The following SLC12A7 variants were observed in gnomAD, a reference collection of about 807,000 sequenced individuals.
SLC12A7 encodes solute carrier family 12 member 7, also known as K-Cl cotransporter 4.
Under a neutral mutation model 120.6 loss-of-function variants are expected in SLC12A7, and 100 were observed. That is an observed-to-expected ratio of 0.83 (90% CI 0.71 to 0.98). The LOEUF is 0.98. SLC12A7 is among the 50% of genes least tolerant of loss of function. SLC12A7 has a pLI of 0.00. For missense variants in SLC12A7, 1,373 were observed against 1,548.1 expected, an observed-to-expected ratio of 0.89 and a Z score of 1.90; for synonymous variants, 760 against 678.0, an observed-to-expected ratio of 1.12 and a Z score of -1.88.
At chr5:1,077,718 TG>T in intron 12 of SLC12A7, 114 bp downstream of exon 12, 2 of 1,126,354 alleles carry the variant, frequency 1.8e-6, no homozygotes, top group Non-Finnish European at 1.2e-6. Flanking sequence ...ATGACCACCA[TG>T]GGGTCCAAGC....
chr5:1,153,847 G>A, the SLC12A7 span, among the ~76,000 whole-genome samples: 2 of 152,162 alleles, frequency 1.3e-5, no homozygotes, highest in Non-Finnish European at 2.9e-5. Flanking sequence ...TCTGGGGAGT[G>A]CCACACAGCA....
At chr5:1,089,695 A>G (rs1054344171) in intron 3 of SLC12A7, among the ~76,000 whole-genome samples, 4 of 152,040 alleles carry the variant, frequency 2.6e-5, no homozygotes, top group African/African-American at 9.7e-5. Context: ...CGTGGGGGCC[A>G]CCCCGCCTGC....
At chr5:1,117,868 G>A in the SLC12A7 span, among the ~76,000 whole-genome samples, 7 of 152,160 alleles carry the variant, frequency 4.6e-5, no homozygotes, top group South Asian at 2.1e-4. This position sits in a 1 kb window ranked among gnomAD's most constrained non-coding sequence, Gnocchi z 4.5. Context: ...TCAGGAGATC[G>A]AGACCATCCT....
At chr5:1,094,497 AACACAAGCTATCCCTAGG>A (rs1237316252) in intron 1 of SLC12A7, among the ~76,000 whole-genome samples, 6 of 152,120 alleles carry the variant, frequency 3.9e-5, no homozygotes, top group African/African-American at 1.4e-4. Flanking sequence ...CTATCCCCAG[AACACAAGCTATCCCTAGG>A]ACACAAGCTA....
rs56128821 is a variant in SLC12A7, at chr5:1,057,726, G to A, written c.2848-77C>T. On this transcript the variant is annotated intron_variant, in intron 21 of 23. Transcript: ENST00000264930. ...CGAGAGCGACCCGGGATGCCAGGCCGGAGGTGAGGGCAGCTCACAGAACCT... is the reference window on the plus strand; with the variant it reads ...CGAGAGCGACCCGGGATGCCAGGCCAGAGGTGAGGGCAGCTCACAGAACCT... The A allele has an allele frequency of 0.015, 20,802 of 1,397,546 alleles. 1,900 individuals are homozygous for A. The African/African-American group carries it at 0.22, about 15-fold the overall frequency. The allele number at this position is 1,397,546 out of a possible 1,614,324, so 86.6% of individuals were successfully genotyped here.
chr5:1,133,413 C>A, the SLC12A7 span, among the ~76,000 whole-genome samples: 136 of 152,288 alleles, frequency 8.9e-4, no homozygotes, highest in Non-Finnish European at 1.5e-3. Context: ...GCACACAGCT[C>A]CCTGGAAACC....
chr5:1,068,342 G>C (rs1271078258), intron 17 of SLC12A7, among the ~76,000 whole-genome samples: 1 of 152,122 alleles, frequency 6.6e-6, no homozygotes, highest in African/African-American at 2.4e-5. Flanking sequence ...GCTGAGGCAG[G>C]AGAACTGCTT....
chr5:1,080,110 A>G (rs1400078602), intron 9 of SLC12A7, among the ~76,000 whole-genome samples: 2 of 150,470 alleles, frequency 1.3e-5, no homozygotes, highest in African/African-American at 2.5e-5. Flanking sequence ...AGAGCCCACA[A>G]TCCAGTGCCG....
upstream of SLC12A7, among the ~76,000 whole-genome samples, chr5:1,114,600 G>C (rs1743241872): frequency 6.6e-6 from 1 of 152,132 alleles, no homozygotes. Flanking sequence ...GTCCTTTTCT[G>C]TACCCGGCAC....
the SLC12A7 span, among the ~76,000 whole-genome samples, chr5:1,119,452 CG>C: frequency 6.6e-6 from 1 of 152,206 alleles, no homozygotes. Context: ...CATCCCTGCC[CG>C]GGTGACGCCG....
the SLC12A7 span, among the ~76,000 whole-genome samples, chr5:1,148,191 T>G: frequency 6.7e-6 from 1 of 148,644 alleles, no homozygotes; most frequent in Admixed American, 6.8e-5. Flanking sequence ...TTGTTGATAC[T>G]TTTTTCTTTC....
chr5:1,121,063 G>A, the SLC12A7 span, among the ~76,000 whole-genome samples: 1 of 152,182 alleles, frequency 6.6e-6, no homozygotes, highest in South Asian at 2.1e-4. Flanking sequence ...TCCTGACCTT[G>A]ACACTGAGTC....
intron 16 of SLC12A7, among the ~76,000 whole-genome samples, chr5:1,074,187 C>T (rs1403021066): frequency 4.0e-5 from 6 of 151,742 alleles, no homozygotes; most frequent in Non-Finnish European, 7.4e-5. Context: ...GACAATGGCC[C>T]GGGGCACACC....
chr5:1,095,903 G>A (rs552668185), intron 1 of SLC12A7, among the ~76,000 whole-genome samples: 2 of 152,342 alleles, frequency 1.3e-5, no homozygotes, highest in South Asian at 4.1e-4. Flanking sequence ...GCGACCATGA[G>A]TGACTGCAGA....
chr5:1,110,560 G>C (rs969989964), intron 1 of SLC12A7, among the ~76,000 whole-genome samples: 6 of 152,344 alleles, frequency 3.9e-5, no homozygotes, highest in Non-Finnish European at 5.9e-5. Flanking sequence ...CTTGAGAAGG[G>C]GCCGGCCAGA....
the SLC12A7 span, among the ~76,000 whole-genome samples, chr5:1,123,720 G>A: frequency 4.1e-4 from 62 of 152,376 alleles, no homozygotes; most frequent in Middle Eastern, 3.4e-3. Flanking sequence ...AGCCGGGATC[G>A]GGGCCTCCAT....
the SLC12A7 span, among the ~76,000 whole-genome samples, chr5:1,145,796 G>C: frequency 1.3e-5 from 2 of 152,022 alleles, no homozygotes; most frequent in African/African-American, 4.8e-5. This position sits in a 1 kb window ranked among gnomAD's most constrained non-coding sequence, Gnocchi z 4.4. Context: ...GTGCGGGAGG[G>C]TTTAGTTTAT....
At position 1,050,758 on chromosome 5, in the gene SLC12A7, A is replaced by C; in HGVS notation, c.*1602T>G. The C allele has an allele frequency of 5.0e-6, 2 of 398,014 alleles. No homozygotes were observed. The highest frequency in any genetic ancestry group is 6.3e-4 in the Middle Eastern group (1 of 1,588). 24.7% of individuals were successfully genotyped at this position (398,014 alleles called of 1,614,324 possible). A position where few individuals can be genotyped will look rare whatever the true frequency, so the allele number is the denominator to read the frequency against. ...TTTGCTGCTTAACTCATGCTTAGCCAAGGCAGGCAGAGGCTGTGGGAACTG... is the reference window on the plus strand; with the variant it reads ...TTTGCTGCTTAACTCATGCTTAGCCCAGGCAGGCAGAGGCTGTGGGAACTG... On this transcript the variant is annotated 3_prime_UTR_variant, in exon 24 of 24. Coordinates refer to ENST00000264930, the MANE Select transcript of SLC12A7 (RefSeq NM_006598.3).
Position 1,073,877 on chromosome 5 carries a change from G to T in SLC12A7, c.2073-76C>A, listed in dbSNP as rs548552833. ...GGCCCATCAACAGGCAGGGCAGATG[G>T]GACGGGCGGGGCACACGACACAGGT... On this transcript the variant is annotated intron_variant, in intron 16 of 23. Coordinates refer to ENST00000264930, the MANE Select transcript of SLC12A7 (RefSeq NM_006598.3). The T allele has an allele frequency of 2.1e-5, 27 of 1,290,182 alleles. No homozygotes were observed. The African/African-American group carries it at 3.8e-4, about 18-fold the overall frequency. The allele number at this position is 1,290,182 out of a possible 1,614,324, so 79.9% of individuals were successfully genotyped here.
Sources: allele counts gnomAD v4.1 joint callset (sites outside exome capture counted in the v4.1 genomes callset), GRCh38; gene constraint gnomAD v4.1.1; non-coding constraint Gnocchi (gnomAD v3.1); transcripts MANE v1.5; gene names NCBI Gene and HGNC (gene_info 2026-07-23, HGNC 2026-07-21).